The following MEIOB variants were observed in gnomAD, a reference collection of about 807,000 sequenced individuals.
The protein encoded by MEIOB is meiosis specific with OB-fold, also known as meiosis-specific with OB domain-containing protein.
In MEIOB, 50 loss-of-function variants were observed where a neutral mutation model predicts 53.1. That is an observed-to-expected ratio of 0.94 (90% CI 0.75 to 1.19). The LOEUF (loss-of-function observed/expected upper bound fraction) is 1.19, where lower values mean the gene tolerates loss of function less well. Among genes scored for constraint, MEIOB ranks in the 50% most tolerant of loss-of-function variants. The pLI is 0.00. For missense variants in MEIOB, 551 were observed against 550.8 expected (o/e 1.00, Z 0.00); for synonymous variants, 192 against 182.5 (o/e 1.05, Z -0.42).
intron 11 of MEIOB, chr16:1,841,031 T>C (rs1315438538): frequency 6.7e-6 from 1 of 148,822 alleles, no homozygotes; most frequent in Non-Finnish European, 1.5e-5. Flanking sequence ...TTTTTTTTTT[T>C]TTGAGACAGA....
rs1898920454 is a variant in MEIOB at position 1,841,873 on chromosome 16, G to A, written c.981C>T (p.Tyr327=). The A allele has an allele frequency of 6.2e-7, 1 of 1,605,460 alleles. No individual in the cohort carries two copies. Among genetic ancestry groups the A allele is most frequent in the Admixed American group, 1.7e-5 (1 of 58,852 alleles). The change falls in exon 11 of 14, where the codon TAC becomes TAT. Residue 327 remains tyrosine, a synonymous_variant. Coordinates refer to ENST00000325962, the MANE Select transcript of MEIOB (RefSeq NM_001163560.3). ...ADPSYGILYA[Y]ISTLNIDDET... is the part of the protein sequence containing the mutation. ...CATCATCAATGTTGAGTGTGGAAATGTAGGCATAAAGGATGCCATAGGAAG... is the reference window on the plus strand; with the variant it reads ...CATCATCAATGTTGAGTGTGGAAATATAGGCATAAAGGATGCCATAGGAAG...
At chr16:1,834,948 C>CTG (rs1898701355) in intron 13 of MEIOB, among the ~76,000 whole-genome samples, 1 of 144,114 alleles carries the variant, frequency 6.9e-6, no homozygotes, top group South Asian at 2.3e-4. Context: ...CCACCCCCCC[C>CTG]CACTAAAAAA....
rs563300325 is a variant in MEIOB at position 1,842,951 on chromosome 16, C to T, written c.881-978G>A. ...TGCTGGGATTACAGGCGTGAGCCAC[C>T]GCGCCCGGCGACACTGACTCAATTT... is the stretch of plus-strand genomic sequence containing the variant. On this transcript the variant is annotated intron_variant, in intron 10 of 13. Transcript: ENST00000325962. Among the ~76,000 whole-genome samples, 117 of 143,544 alleles carry T rather than the reference C, an allele frequency of 8.2e-4. 3 individuals carry two copies. The South Asian group carries it at 0.027, about 33-fold the overall frequency. 94.2% of individuals were successfully genotyped at this position (143,544 alleles called of 152,430 possible). A position where few individuals can be genotyped will look rare whatever the true frequency, so the allele number is the denominator to read the frequency against.
chr16:1,839,008 A>G (rs55706738), intron 12 of MEIOB, among the ~76,000 whole-genome samples: 27,009 of 152,080 alleles, frequency 0.18, 2,535 homozygotes, highest in South Asian at 0.27. Context: ...CATCATGTTT[A>G]TTTATCCATT....
At chr16:1,836,388 TC>T (rs1898749811) in intron 13 of MEIOB, among the ~76,000 whole-genome samples, 1 of 152,192 alleles carries the variant, frequency 6.6e-6, no homozygotes, top group South Asian at 2.1e-4. Flanking sequence ...ACTCTTAAGT[TC>T]CCATGAACTT....
chr16:1,855,752 A>G (rs189348307), intron 6 of MEIOB, among the ~76,000 whole-genome samples: 2 of 152,312 alleles, frequency 1.3e-5, no homozygotes, highest in Non-Finnish European at 2.9e-5. Flanking sequence ...TTTCAAGATG[A>G]TCATATAGCG....
intron 6 of MEIOB, among the ~76,000 whole-genome samples, chr16:1,856,759 C>CTTTTTT (rs3045430): frequency 1.2e-5 from 1 of 84,218 alleles, no homozygotes. Flanking sequence ...CACGCCAGGC[C>CTTTTTT]TTTTTTTTTT....
chr16:1,853,806 T>C (rs1365351231), intron 7 of MEIOB, among the ~76,000 whole-genome samples: 3 of 152,190 alleles, frequency 2.0e-5, no homozygotes, highest in Non-Finnish European at 4.4e-5. Context: ...AGAGGGAAAC[T>C]CTGGCTTGTT....
chr16:1,840,869 A>T (rs1464212688), intron 11 of MEIOB, among the ~76,000 whole-genome samples: 3 of 151,960 alleles, frequency 2.0e-5, no homozygotes, highest in Non-Finnish European at 4.4e-5. Flanking sequence ...TTTCTTATAC[A>T]TCCATGTGAA....
In MEIOB at chr16:1,834,376, G is replaced by A; in HGVS notation, c.1306-10C>T. 5.5e-6 allele frequency: 8 copies of A among 1,449,582 alleles called. No homozygotes were observed. Among genetic ancestry groups the A allele is most frequent in the African/African-American group, 1.4e-5 (1 of 71,082 alleles). 89.8% of individuals were successfully genotyped at this position (1,449,582 alleles called of 1,614,324 possible). ...TGTGTGATAGAACGAACTGCGAGGA[G>A]AAACAGAAAAAGAGACAAAAGGTTA... On this transcript the variant is annotated splice_polypyrimidine_tract_variant and intron_variant, in intron 13 of 13. Transcript: ENST00000325962.
In MEIOB at chr16:1,868,167, G is replaced by GTTTGCCATTTTT. The variant is rs1567282896; in HGVS notation, c.-4_8dup (p.Ala2_Asn3insLysLysMetAla). ...TAGTGAAAATCCTCGCTGCAAAGGA[G>GTTTGCCATTTTT]TTTGCCATTTTTTTAATCTGCATTT... On this transcript the variant is annotated inframe_insertion, in exon 2 of 14. Transcript: ENST00000325962. 1 of 1,523,286 alleles carries GTTTGCCATTTTT rather than the reference G, an allele frequency of 6.6e-7. No homozygotes were observed. The highest frequency in any genetic ancestry group is 1.4e-5 in the African/African-American group (1 of 72,760). The allele number at this position is 1,523,286 out of a possible 1,614,324, so 94.4% of individuals were successfully genotyped here.
chr16:1,839,480 G>A, intron 11 of MEIOB, 42 bp from the exon 12 acceptor site: 2 of 1,531,046 alleles, frequency 1.3e-6, no homozygotes, highest in East Asian at 2.3e-5. Flanking sequence ...GATGCCCTAA[G>A]CTACAAATTT....
intron 6 of MEIOB, among the ~76,000 whole-genome samples, chr16:1,856,669 C>T (rs1239416267): frequency 6.6e-6 from 1 of 151,684 alleles, no homozygotes; most frequent in Admixed American, 6.6e-5. Context: ...ACCATATTGG[C>T]CAGGCTGGTC....
chr16:1,860,944 C>T (rs1899425504), intron 4 of MEIOB, among the ~76,000 whole-genome samples: 2 of 152,032 alleles, frequency 1.3e-5, no homozygotes, highest in South Asian at 2.1e-4. Flanking sequence ...CTTTTTCTAT[C>T]GTGAAGAACT....
At chr16:1,835,952 C>T (rs1296056177) in intron 13 of MEIOB, among the ~76,000 whole-genome samples, 1 of 149,746 alleles carries the variant, frequency 6.7e-6, no homozygotes, top group Non-Finnish European at 1.5e-5. Context: ...CTCTGCCTCC[C>T]AGGTTCAAGC....
At chr16:1,851,973 T>A (rs1201806808) in intron 9 of MEIOB, among the ~76,000 whole-genome samples, 3 of 152,158 alleles carry the variant, frequency 2.0e-5, no homozygotes. Context: ...ATCTCCCCAA[T>A]CTGGCTTCCT....
chr16:1,839,340 A>C lies in MEIOB; in HGVS notation c.1133T>G (p.Val378Gly), dbSNP rs1303511423. The change falls in exon 12 of 14, where the codon GTG (valine) becomes GGG (glycine). Residue 378 changes from valine (V) to glycine (G), a missense_variant. Physicochemically the swap from Val to Gly is moderately radical, Grantham distance 109. Transcript: ENST00000325962. ...DFKSVFLSFH[V>G]LIDLTDHTGT... Reference sequence around the variant, plus strand: ...TGTGTGATCAGTCAGATCAATCAGCACATGGAAACTGAGAAAGACAGATTT... The same window carrying C: ...TGTGTGATCAGTCAGATCAATCAGCCCATGGAAACTGAGAAAGACAGATTT... The C allele has an allele frequency of 6.2e-7, 1 of 1,614,248 alleles. No individual in the cohort carries two copies. Among genetic ancestry groups the C allele is most frequent in the East Asian group, 2.2e-5 (1 of 44,890 alleles).
At chr16:1,868,636 A>T (rs1455337772) in intron 1 of MEIOB, among the ~76,000 whole-genome samples, 1 of 152,124 alleles carries the variant, frequency 6.6e-6, no homozygotes, top group African/African-American at 2.4e-5. Flanking sequence ...AGGGCGGATC[A>T]CAGGGTCAGG....
intron 6 of MEIOB, among the ~76,000 whole-genome samples, chr16:1,855,596 T>C (rs1372511126): frequency 5.9e-5 from 9 of 152,194 alleles, no homozygotes; most frequent in African/African-American, 2.2e-4. Flanking sequence ...TACTACTATA[T>C]TCATTCAGGG....
Sources: allele counts gnomAD v4.1 joint callset (sites outside exome capture counted in the v4.1 genomes callset), GRCh38; gene constraint gnomAD v4.1.1; transcripts MANE v1.5; gene names NCBI Gene and HGNC (gene_info 2026-07-23, HGNC 2026-07-21).